Variants in DOCK1 observed in about 807,000 individuals in gnomAD.
DOCK1 encodes the protein dedicator of cytokinesis 1, also known as dedicator of cytokinesis protein 1.
In DOCK1, 138 loss-of-function variants were observed where a neutral mutation model predicts 262.7. The observed-to-expected ratio is 0.53, with a 90% CI of 0.46 to 0.61. DOCK1 has a LOEUF of 0.61. DOCK1 is among the 20% of genes least tolerant of loss of function. DOCK1 has a pLI of 0.00. For missense variants in DOCK1, 1,908 were observed against 2,370.7 expected (o/e 0.80, Z 4.05); for synonymous variants, 866 against 867.4 (o/e 1.00, Z 0.03).
chr10:127,056,939 T>C (rs1365586338), intron 22 of DOCK1, among the ~76,000 whole-genome samples: 1 of 152,178 alleles, frequency 6.6e-6, no homozygotes, highest in Non-Finnish European at 1.5e-5. Context: ...GCAGAAGTCT[T>C]CTAGTAATCC....
intron 14 of DOCK1, among the ~76,000 whole-genome samples, chr10:127,023,699 A>C (rs2042615656): frequency 6.6e-6 from 1 of 151,782 alleles, no homozygotes; most frequent in Admixed American, 6.6e-5. Flanking sequence ...TGGCCTACCA[A>C]GGTGCTGGGA....
In DOCK1 at chr10:126,916,692, C is replaced by T. The variant is rs1325645722; in HGVS notation, c.46+11129C>T. 2.6e-5 allele frequency among the ~76,000 whole-genome samples: 4 copies of T among 151,898 alleles called. No homozygotes were observed. The East Asian group carries it at 7.7e-4, about 29-fold the overall frequency. ...TCCTCCCCTCCTTCCTTTCCTCCTT[C>T]CTTTCCTCCCCTCCTTCCTTCTACC... On this transcript the variant is annotated intron_variant, in intron 1 of 51. Transcript: ENST00000623213.
chr10:127,451,095 G>A (rs1397177945), intron 51 of DOCK1, among the ~76,000 whole-genome samples: 2 of 152,114 alleles, frequency 1.3e-5, no homozygotes, highest in African/African-American at 4.8e-5. Context: ...TACCTCTCAG[G>A]GGCTGTGCAG....
intron 23 of DOCK1, among the ~76,000 whole-genome samples, chr10:127,085,709 G>A (rs2047156400): frequency 6.6e-6 from 1 of 151,986 alleles, no homozygotes; most frequent in East Asian, 1.9e-4. Flanking sequence ...AGTGAGCCGA[G>A]ATTGCGCCAC....
intron 27 of DOCK1, among the ~76,000 whole-genome samples, chr10:127,211,350 AC>A (rs2134331664): frequency 6.6e-6 from 1 of 151,930 alleles, no homozygotes; most frequent in Admixed American, 6.5e-5. Context: ...AAGGAGAGAC[AC>A]TCCTCTCAGC....
intron 29 of DOCK1, among the ~76,000 whole-genome samples, chr10:127,283,978 G>T (rs945296487): frequency 1.3e-5 from 2 of 152,186 alleles, no homozygotes; most frequent in Non-Finnish European, 2.9e-5. Context: ...ACTCTCGCCA[G>T]AATTCAATAT....
intron 12 of DOCK1, chr10:127,015,084 C>T (rs545852416): frequency 9.9e-5 from 15 of 152,076 alleles, no homozygotes; most frequent in South Asian, 6.2e-4. Flanking sequence ...GTGCCATCCC[C>T]GATACCTCTT....
At chr10:127,265,535 G>C (rs2060323647) in intron 29 of DOCK1, among the ~76,000 whole-genome samples, 1 of 152,102 alleles carries the variant, frequency 6.6e-6, no homozygotes, top group South Asian at 2.1e-4. Flanking sequence ...CTCTCCCCAT[G>C]ATTCATCCTT....
intron 27 of DOCK1, among the ~76,000 whole-genome samples, chr10:127,197,176 A>G (rs1282375655): frequency 6.6e-6 from 1 of 151,984 alleles, no homozygotes; most frequent in Non-Finnish European, 1.5e-5. Context: ...CTGCCTGGTA[A>G]TGTTGCATGC....
At chr10:127,317,001 C>T (rs192985685) in intron 29 of DOCK1, among the ~76,000 whole-genome samples, 1 of 152,152 alleles carries the variant, frequency 6.6e-6, no homozygotes, top group East Asian at 1.9e-4. Context: ...CTGGCTAAAG[C>T]GAGCTGACTT....
chr10:127,424,626 A>C, intron 46 of DOCK1, among the ~76,000 whole-genome samples: 1 of 152,226 alleles, frequency 6.6e-6, no homozygotes, highest in East Asian at 1.9e-4. Context: ...CTCAGGAGGC[A>C]GAAGGCTGAC....
intron 47 of DOCK1, 53 bp from the exon 48 acceptor site, chr10:127,433,230 A>G: frequency 3.1e-6 from 5 of 1,600,980 alleles, no homozygotes; most frequent in East Asian, 2.2e-5. Flanking sequence ...GAGTCTGACC[A>G]TGGCAGGCAC....
intron 44 of DOCK1, among the ~76,000 whole-genome samples, chr10:127,418,075 A>G (rs1453660827): frequency 1.3e-5 from 2 of 152,160 alleles, no homozygotes; most frequent in African/African-American, 4.8e-5. Context: ...GGTGTATTCA[A>G]GCACTCAAGG....
chr10:127,000,032 T>A, intron 9 of DOCK1, 140 bp from the exon 10 acceptor site: 1 of 965,150 alleles, frequency 1.0e-6, no homozygotes, highest in African/African-American at 1.6e-5. Flanking sequence ...TTAAATTCCT[T>A]TTTGTCATAT....
chr10:126,907,717 G>C lies in DOCK1; in HGVS notation c.46+2154G>C, dbSNP rs574284067. ...AAAGAATGTTCGTAGATGGGAGAAC[G>C]GGGTCTCCTTGCTGGGGAGGAGGCT... is the stretch of plus-strand genomic sequence containing the variant. On this transcript the variant is annotated intron_variant, in intron 1 of 51. Transcript: ENST00000623213. Among the ~76,000 whole-genome samples, 70 of 152,176 alleles carry C rather than the reference G, an allele frequency of 4.6e-4. 1 individual carries two copies. Among genetic ancestry groups the C allele is most frequent in the African/African-American group, 1.5e-3 (63 of 41,532 alleles).
intron 38 of DOCK1, among the ~76,000 whole-genome samples, chr10:127,398,565 A>G (rs1288910722): frequency 1.3e-5 from 2 of 152,226 alleles, no homozygotes; most frequent in African/African-American, 4.8e-5. Flanking sequence ...TTTTGATGTC[A>G]GAGACCTGTG....
chr10:127,224,934 G>A (rs558760321), intron 27 of DOCK1, among the ~76,000 whole-genome samples: 1 of 152,154 alleles, frequency 6.6e-6, no homozygotes, highest in South Asian at 2.1e-4. Flanking sequence ...TGTTATCTGG[G>A]CTGCTAGAAA....
Position 127,388,551 on chromosome 10 carries a change from C to G in DOCK1, c.3927+3642C>G, listed in dbSNP as rs74666117. On this transcript the variant is annotated intron_variant, in intron 38 of 51. Transcript: ENST00000623213. ...GAAATAATTCATCTTCCGTAACAAT[C>G]TGGATGGCCTGCACTAGAGTTTGAA... Among the ~76,000 whole-genome samples, 341 of 152,330 alleles carry G rather than the reference C, an allele frequency of 2.2e-3. 4 individuals carry two copies. The highest frequency in any genetic ancestry group is 7.6e-3 in the African/African-American group (314 of 41,578).
chr10:127,335,043 C>G (rs1370713734), intron 29 of DOCK1, among the ~76,000 whole-genome samples: 4 of 152,352 alleles, frequency 2.6e-5, no homozygotes, highest in Admixed American at 2.0e-4. Flanking sequence ...GCCTGACCTT[C>G]TGAGCCAGCT....
Sources: gnomAD v4.1 joint callset for allele counts (sites outside exome capture counted in the v4.1 genomes callset) on GRCh38, gnomAD v4.1.1 for gene constraint, MANE v1.5 for transcripts, NCBI Gene and HGNC (gene_info 2026-07-23, HGNC 2026-07-21) for gene names.